ARNT2: variants seen among roughly 807,000 people sequenced by gnomAD.
The protein encoded by ARNT2 is ARNT protein 2.
In ARNT2, 36 loss-of-function variants were observed where a neutral mutation model predicts 91.7. The observed-to-expected ratio is 0.39, with a 90% CI of 0.30 to 0.52. ARNT2 has a LOEUF of 0.52. Among genes scored for constraint, ARNT2 ranks in the 20% least tolerant of loss-of-function variants. The pLI is 0.72. For missense variants in ARNT2, 775 were observed against 939.3 expected (o/e 0.83, Z 2.29); for synonymous variants, 365 against 347.1 (o/e 1.05, Z -0.57).
At chr15:80,451,859 T>G (rs1317811524) in intron 2 of ARNT2, among the ~76,000 whole-genome samples, 2 of 152,246 alleles carry the variant, frequency 1.3e-5, no homozygotes, top group Non-Finnish European at 2.9e-5. Context: ...TTGAATCTAT[T>G]TTATTTTCGA....
chr15:80,424,041 T>G (rs1895900279), intron 1 of ARNT2, among the ~76,000 whole-genome samples: 1 of 152,190 alleles, frequency 6.6e-6, no homozygotes, highest in Non-Finnish European at 1.5e-5. Context: ...ACCCAAGTGG[T>G]GGCCCAGTTG....
At chr15:80,581,479 G>A in intron 17 of ARNT2, 75 bp downstream of exon 17, 1 of 1,580,360 alleles carries the variant, frequency 6.3e-7, no homozygotes, top group Non-Finnish European at 8.7e-7. Flanking sequence ...AATTCAGGAG[G>A]CTGAGCTCCA....
chr15:80,414,682 A>C (rs1895751442), intron 1 of ARNT2, among the ~76,000 whole-genome samples: 1 of 152,210 alleles, frequency 6.6e-6, no homozygotes, highest in Non-Finnish European at 1.5e-5. Flanking sequence ...CGTTTGCCAT[A>C]ATTTGATATG....
chr15:80,414,644 C>T (rs1360256383), intron 1 of ARNT2, among the ~76,000 whole-genome samples: 1 of 152,110 alleles, frequency 6.6e-6, no homozygotes. Flanking sequence ...ATCCCATCAG[C>T]AGTTTGAAAT....
intron 8 of ARNT2, among the ~76,000 whole-genome samples, chr15:80,545,615 T>G (rs559151989): frequency 1.7e-4 from 26 of 152,184 alleles, no homozygotes; most frequent in Non-Finnish European, 3.1e-4. Flanking sequence ...GAGGAAGGAA[T>G]AGTGCAGGAT....
At position 80,574,184 on chromosome 15, in the gene ARNT2, C is replaced by T. The variant is rs1321809678; in HGVS notation, c.1353C>T (p.His451=). 6 of 1,614,062 alleles carry T rather than the reference C, an allele frequency of 3.7e-6. No homozygotes were observed. In the Admixed American group the frequency reaches 5.0e-5, roughly 13 times the overall value. Residue 451 remains histidine, a synonymous_variant, in exon 13 of 19, where the codon CAC becomes CAT. Transcript: ENST00000303329. ...LQQQQAELEV[H]QRDGLSSYDL... ...AACAGCAGGCAGAATTGGAAGTGCACCAGAGAGATGGATTGTCATCGTATG... is the reference window on the plus strand; with the variant it reads ...AACAGCAGGCAGAATTGGAAGTGCATCAGAGAGATGGATTGTCATCGTATG...
rs1276941382 is a variant in ARNT2, at chr15:80,597,414, T to C, written c.*3716T>C. ...TGGCCTAAGTCGCTGTCTCCTAACC[T>C]GCCGGGGTCATTCCCCACCAAACAC... On this transcript the variant is annotated 3_prime_UTR_variant, in exon 19 of 19. Transcript: ENST00000303329. The C allele has an allele frequency of 2.6e-5, 10 of 388,340 alleles. No homozygotes were observed. Among genetic ancestry groups the C allele is most frequent in the Admixed American group, 8.9e-5 (3 of 33,850 alleles). 24.1% of individuals were successfully genotyped at this position (388,340 alleles called of 1,614,324 possible).
intron 1 of ARNT2, among the ~76,000 whole-genome samples, chr15:80,413,243 G>A (rs535422636): frequency 4.6e-5 from 7 of 152,284 alleles, no homozygotes; most frequent in African/African-American, 1.4e-4. Flanking sequence ...AGGCCCCATT[G>A]TTCTCCCTCC....
chr15:80,520,171 AG>A (rs925249068), intron 8 of ARNT2, among the ~76,000 whole-genome samples: 1 of 152,094 alleles, frequency 6.6e-6, no homozygotes, highest in African/African-American at 2.4e-5. Flanking sequence ...TGTATTCTGA[AG>A]ATAAAAATGG....
chr15:80,585,067 G>T (rs1028047260), intron 17 of ARNT2, among the ~76,000 whole-genome samples: 2 of 152,212 alleles, frequency 1.3e-5, no homozygotes, highest in Non-Finnish European at 2.9e-5. Context: ...CCCTTTCTGT[G>T]AAACACATGC....
At chr15:80,428,061 C>T (rs1464811081) in intron 1 of ARNT2, among the ~76,000 whole-genome samples, 1 of 152,222 alleles carries the variant, frequency 6.6e-6, no homozygotes, top group African/African-American at 2.4e-5. Context: ...TATCTGTGGG[C>T]TTAATGCAGT....
At chr15:80,439,041 T>A (rs2141576121) in intron 1 of ARNT2, among the ~76,000 whole-genome samples, 1 of 152,334 alleles carries the variant, frequency 6.6e-6, no homozygotes, top group Admixed American at 6.5e-5. Flanking sequence ...TGCACACAAA[T>A]TTTGCATATA....
intron 1 of ARNT2, among the ~76,000 whole-genome samples, chr15:80,435,764 C>A (rs1896076714): frequency 1.3e-5 from 2 of 152,242 alleles, no homozygotes; most frequent in African/African-American, 4.8e-5. Context: ...TAATTGAGAA[C>A]CTTGTATGTG....
chr15:80,491,815 T>C (rs1477793297), intron 5 of ARNT2, among the ~76,000 whole-genome samples: 4 of 150,052 alleles, frequency 2.7e-5, no homozygotes, highest in Non-Finnish European at 5.9e-5. Context: ...TTTTTTTTTT[T>C]TTTTTTAAGT....
At chr15:80,458,392 A>C (rs1192929937) in intron 3 of ARNT2, among the ~76,000 whole-genome samples, 1 of 152,140 alleles carries the variant, frequency 6.6e-6, no homozygotes, top group East Asian at 1.9e-4. Context: ...GTTTAGAAAA[A>C]ACTGTCAAGA....
intron 12 of ARNT2, among the ~76,000 whole-genome samples, chr15:80,563,927 A>G (rs1288930901): frequency 6.6e-6 from 1 of 152,200 alleles, no homozygotes; most frequent in African/African-American, 2.4e-5. Flanking sequence ...CAGGCCAGAC[A>G]CTTGGTTCAA....
chr15:80,485,659 G>A (rs1218651211), intron 5 of ARNT2, among the ~76,000 whole-genome samples: 2 of 152,234 alleles, frequency 1.3e-5, no homozygotes, highest in African/African-American at 4.8e-5. Flanking sequence ...GCAGAAGGCA[G>A]CCAGGTGAGG....
intron 8 of ARNT2, among the ~76,000 whole-genome samples, chr15:80,524,560 G>A (rs530263249): frequency 6.6e-6 from 1 of 152,110 alleles, no homozygotes; most frequent in East Asian, 1.9e-4. Flanking sequence ...AATTAAACAG[G>A]CATGCTTTTA....
At chr15:80,442,949 T>G in intron 1 of ARNT2, 1 of 985,400 alleles carries the variant, frequency 1.0e-6, no homozygotes, top group Non-Finnish European at 1.2e-6. Flanking sequence ...GTGCCCTCCT[T>G]GCGGCTCCAT....
Sources: allele counts gnomAD v4.1 joint callset (sites outside exome capture counted in the v4.1 genomes callset), GRCh38; gene constraint gnomAD v4.1.1; transcripts MANE v1.5; gene names NCBI Gene and HGNC (gene_info 2026-07-23, HGNC 2026-07-21).